KCNAB2: variants seen among roughly 807,000 people sequenced by gnomAD.
KCNAB2 encodes voltage-gated potassium channel subunit beta-2.
In KCNAB2, 29 loss-of-function variants were observed where a neutral mutation model predicts 63.6. That is an observed-to-expected ratio of 0.46 (90% CI 0.34 to 0.62). The LOEUF is 0.62. Ranked by LOEUF, KCNAB2 falls within the 20% of genes least tolerant of loss-of-function variation. The pLI, the probability that KCNAB2 is intolerant of heterozygous loss-of-function variation, is 0.01. For missense variants in KCNAB2, 359 were observed against 563.9 expected, an observed-to-expected ratio of 0.64 and a Z score of 3.68; for synonymous variants, 222 against 224.2, an observed-to-expected ratio of 0.99 and a Z score of 0.09.
At chr1:6,005,579 C>T (rs1657619419) in intron 1 of KCNAB2, among the ~76,000 whole-genome samples, 1 of 151,338 alleles carries the variant, frequency 6.6e-6, no homozygotes, top group African/African-American at 2.5e-5. Flanking sequence ...TGGGATCCAA[C>T]CTGGGTCCCC....
At chr1:5,998,107 A>C (rs1363061422) in intron 1 of KCNAB2, among the ~76,000 whole-genome samples, 1 of 152,264 alleles carries the variant, frequency 6.6e-6, no homozygotes, top group Non-Finnish European at 1.5e-5. Context: ...TGGTCTGGAA[A>C]AGGGCTCTGC....
rs1004849473 is a variant in KCNAB2 at position 6,009,285 on chromosome 1, C to G, written c.-53+16497C>G. On this transcript the variant is annotated intron_variant, in intron 1 of 16. Transcript: ENST00000341524. ...CCGCCTGGTATGCCCATGGGGGCAT[C>G]CACCTGTGCAGAGTGTGGCCTCTCC... Among the ~76,000 whole-genome samples the G allele has an allele frequency of 4.6e-5, 7 of 152,250 alleles. No homozygotes were observed. The East Asian group carries it at 1.2e-3, about 25-fold the overall frequency.
chr1:6,047,939 C>A (rs554923249), intron 1 of KCNAB2, among the ~76,000 whole-genome samples: 3 of 152,220 alleles, frequency 2.0e-5, no homozygotes, highest in African/African-American at 7.2e-5. Context: ...GGGCTCCCTC[C>A]GTGCCGCAGG....
chr1:6,068,966 A>G (rs1343134482), intron 2 of KCNAB2, among the ~76,000 whole-genome samples: 1 of 152,168 alleles, frequency 6.6e-6, no homozygotes, highest in African/African-American at 2.4e-5. Flanking sequence ...GCCAAGCCTG[A>G]TAAGTAAGGG....
At chr1:6,038,625 G>C (rs1248310554) in intron 1 of KCNAB2, among the ~76,000 whole-genome samples, 1 of 152,180 alleles carries the variant, frequency 6.6e-6, no homozygotes, top group East Asian at 1.9e-4. Context: ...GTCTACACAT[G>C]TGCTCACATC....
chr1:6,065,574 T>A (rs1178535573), intron 2 of KCNAB2, among the ~76,000 whole-genome samples: 2 of 151,950 alleles, frequency 1.3e-5, no homozygotes, highest in Admixed American at 6.6e-5. Flanking sequence ...CCCCAGGCCA[T>A]CACCTCCGGC....
chr1:6,064,904 C>T (rs1488643252), intron 2 of KCNAB2, among the ~76,000 whole-genome samples: 1 of 152,178 alleles, frequency 6.6e-6, no homozygotes, highest in Non-Finnish European at 1.5e-5. Flanking sequence ...GGGCTTCATT[C>T]AGCCATTCAC....
At chr1:6,060,690 G>A (rs773700513) in intron 2 of KCNAB2, among the ~76,000 whole-genome samples, 1 of 152,122 alleles carries the variant, frequency 6.6e-6, no homozygotes, top group Admixed American at 6.5e-5. Flanking sequence ...GGATCACAAG[G>A]TCAAGAGATC....
chr1:6,085,807 C>T (rs1664649391), intron 6 of KCNAB2: 1 of 985,318 alleles, frequency 1.0e-6, no homozygotes, highest in Non-Finnish European at 1.2e-6. Flanking sequence ...TGTGTGGGAC[C>T]GTTCCGGCAG....
At chr1:6,001,176 T>A (rs1657236295) in intron 1 of KCNAB2, among the ~76,000 whole-genome samples, 1 of 152,056 alleles carries the variant, frequency 6.6e-6, no homozygotes, top group South Asian at 2.1e-4. Context: ...AGCTGGGCCA[T>A]TCATCTGGCC....
intron 15 of KCNAB2, chr1:6,097,845 G>A (rs1421208680): frequency 1.6e-5 from 4 of 247,066 alleles, no homozygotes; most frequent in African/African-American, 9.0e-5. Flanking sequence ...GGACTTCTGA[G>A]TGAGACGGGA....
Position 6,056,634 on chromosome 1 carries a change from C to T in KCNAB2, c.218+4880C>T, listed in dbSNP as rs566051842. Among the ~76,000 whole-genome samples the T allele has an allele frequency of 5.9e-5, 9 of 152,306 alleles. 1 individual carries two copies. Among genetic ancestry groups the T allele is most frequent in the African/African-American group, 1.9e-4 (8 of 41,572 alleles). The stretch of plus-strand genomic sequence containing the variant: ...GTGCTGGGAGTGAACCCAAACTCCC[C>T]GCAAGGCTCTACGTGGCCCTAGCCT... On this transcript the variant is annotated intron_variant, in intron 2 of 15. Coordinates refer to ENST00000378083, the MANE Select transcript of KCNAB2 (RefSeq NM_001199862.2).
At chr1:6,065,789 G>A (rs550557839) in intron 2 of KCNAB2, among the ~76,000 whole-genome samples, 1 of 152,224 alleles carries the variant, frequency 6.6e-6, no homozygotes, top group Admixed American at 6.5e-5. Context: ...AGATGTGAGG[G>A]GAGGAGAAAA....
intron 14 of KCNAB2, 92 bp from the exon 15 acceptor site, chr1:6,097,177 C>A: frequency 7.2e-7 from 1 of 1,381,990 alleles, no homozygotes; most frequent in Non-Finnish European, 9.7e-7. Flanking sequence ...GACCAAGATG[C>A]TGGGTCTCTC....
rs115504430 is a variant in KCNAB2 at position 6,095,694 on chromosome 1, C to T, written c.948+70C>T. The T allele has an allele frequency of 7.6e-5, 110 of 1,438,590 alleles. 1 individual carries two copies. The African/African-American group carries it at 1.3e-3, about 17-fold the overall frequency. The allele number at this position is 1,438,590 out of a possible 1,614,324, so 89.1% of individuals were successfully genotyped here. A position where few individuals can be genotyped will look rare whatever the true frequency, so the allele number is the denominator to read the frequency against. ...TTTTGGACGGGTGGGACCTTTGGGC[C>T]GACTGCTTTGGTGCTGGGCAGGGGT... On this transcript the variant is annotated intron_variant, in intron 13 of 15. Transcript: ENST00000378083.
rs1665924974 is a variant in KCNAB2 at position 6,099,996 on chromosome 1, C to T, written c.*1422C>T. 1 of 1,542,440 alleles carries T rather than the reference C, an allele frequency of 6.5e-7. No homozygotes were observed. Among genetic ancestry groups the T allele is most frequent in the Non-Finnish European group, 8.7e-7 (1 of 1,143,036 alleles). On this transcript the variant is annotated 3_prime_UTR_variant, in exon 16 of 16. Coordinates refer to ENST00000378083, the MANE Select transcript of KCNAB2 (RefSeq NM_001199862.2). Reference sequence around the variant, plus strand: ...ACGCGGGGCAGGGCTCCACTGAAGCCACCCCCACCCCTCGCCAGCTAGCTC... The same window carrying T: ...ACGCGGGGCAGGGCTCCACTGAAGCTACCCCCACCCCTCGCCAGCTAGCTC...
In KCNAB2 at chr1:6,073,843, T is replaced by G. The variant is rs1292170949; in HGVS notation, c.300+73T>G. On this transcript the variant is annotated intron_variant, in intron 4 of 15. Coordinates refer to ENST00000378083, the MANE Select transcript of KCNAB2 (RefSeq NM_001199862.2). This position sits in a 1 kb window ranked among gnomAD's most constrained non-coding sequence, Gnocchi z 5.7. ...AGAGCACATGGTTAAGTCTGCCGCG[T>G]GGACCAGTGAGCACGTGCTCCCGGG... The G allele has an allele frequency of 1.3e-6, 2 of 1,489,872 alleles. No individual in the cohort carries two copies. The highest frequency in any genetic ancestry group is 1.9e-6 in the Non-Finnish European group (2 of 1,068,690). The allele number at this position is 1,489,872 out of a possible 1,614,324, so 92.3% of individuals were successfully genotyped here.
intron 1 of KCNAB2, among the ~76,000 whole-genome samples, chr1:6,047,756 G>A (rs962801713): frequency 6.6e-5 from 10 of 152,192 alleles, no homozygotes; most frequent in Non-Finnish European, 1.5e-4. Context: ...AAGAGTCCTT[G>A]CCCTCCTGGA....
intron 1 of KCNAB2, among the ~76,000 whole-genome samples, chr1:5,996,977 A>G (rs1453668909): frequency 6.6e-6 from 1 of 152,186 alleles, no homozygotes; most frequent in Non-Finnish European, 1.5e-5. Context: ...TTTCCCTGCC[A>G]GAGACTTAGC....
Sources: allele counts gnomAD v4.1 joint callset (sites outside exome capture counted in the v4.1 genomes callset), GRCh38; gene constraint gnomAD v4.1.1; non-coding constraint Gnocchi (gnomAD v3.1); transcripts MANE v1.5; gene names NCBI Gene and HGNC (gene_info 2026-07-23, HGNC 2026-07-21).